MGAT5: variants seen among roughly 807,000 people sequenced by gnomAD.
The protein encoded by MGAT5 is alpha-1,6-mannosylglycoprotein 6-beta-N-acetylglucosaminyltransferase A.
MGAT5 carries 30 observed loss-of-function variants against 94.3 expected under a neutral mutation model. The ratio of observed to expected loss-of-function variants is 0.32; its 90% confidence interval spans 0.24 to 0.43. The LOEUF is 0.43. Among genes scored for constraint, MGAT5 ranks in the 20% least tolerant of loss-of-function variants. The pLI is 1.00. For synonymous variants in MGAT5, 310 were observed against 322.9 expected (o/e 0.96, Z 0.43); for missense variants, 691 against 905.5 (o/e 0.76, Z 3.04).
intron 3 of MGAT5, 65 bp from the exon 4 acceptor site, chr2:134,318,585 C>T: frequency 8.3e-7 from 1 of 1,204,446 alleles, no homozygotes; most frequent in South Asian, 1.2e-5. Flanking sequence ...CTATCCTCGC[C>T]TTCCCTGTCA....
At chr2:134,439,677 A>G (rs2106414894) in intron 14 of MGAT5, among the ~76,000 whole-genome samples, 1 of 152,282 alleles carries the variant, frequency 6.6e-6, no homozygotes, top group East Asian at 1.9e-4. Context: ...AGCCTGGGCG[A>G]CAGAACAAGA....
intron 2 of MGAT5, among the ~76,000 whole-genome samples, chr2:134,298,549 TAGA>T (rs1478072077): frequency 6.6e-6 from 1 of 152,232 alleles, no homozygotes; most frequent in East Asian, 1.9e-4. Flanking sequence ...TTAGGGCAGT[TAGA>T]CACCATGCGG....
chr2:134,252,435 T>G (rs1184052760), upstream of MGAT5, among the ~76,000 whole-genome samples: 1 of 152,162 alleles, frequency 6.6e-6, no homozygotes. Flanking sequence ...GGGTGTTGAA[T>G]AGTGATGGAA....
chr2:134,265,060 T>A (rs1683623847), intron 1 of MGAT5, among the ~76,000 whole-genome samples: 1 of 152,234 alleles, frequency 6.6e-6, no homozygotes, highest in South Asian at 2.1e-4. Context: ...GTGTTGAAGA[T>A]GCAACCTGGT....
intron 4 of MGAT5, among the ~76,000 whole-genome samples, chr2:134,325,136 T>C (rs1687567312): frequency 6.6e-6 from 1 of 152,092 alleles, no homozygotes; most frequent in Admixed American, 6.6e-5. Flanking sequence ...ATGAATGTTA[T>C]ATACCACAAC....
chr2:134,190,648 C>T (rs112677113), intron 1 of MGAT5, among the ~76,000 whole-genome samples: 2,905 of 151,752 alleles, frequency 0.019, 29 homozygotes, highest in African/African-American at 0.022. Flanking sequence ...AATCTCCTCT[C>T]CTTTGTTTTT....
At chr2:134,254,697 G>A in intron 1 of MGAT5, 53 bp downstream of exon 1, 2 of 1,597,652 alleles carry the variant, frequency 1.3e-6, no homozygotes, top group Non-Finnish European at 1.7e-6. Context: ...GCCTTGAAAT[G>A]GCCCTAGAAG....
At chr2:134,429,330 C>T (rs1158624421) in intron 14 of MGAT5, among the ~76,000 whole-genome samples, 1 of 152,232 alleles carries the variant, frequency 6.6e-6, no homozygotes, top group Admixed American at 6.5e-5. Context: ...GCCCTGGGTG[C>T]TGCTGTTGGA....
chr2:134,319,240 C>G (rs1028704491), intron 4 of MGAT5, among the ~76,000 whole-genome samples: 10 of 152,148 alleles, frequency 6.6e-5, no homozygotes, highest in African/African-American at 2.4e-4. Context: ...AATTGCCATA[C>G]CATTTTGTAA....
chr2:134,242,916 G>C (rs1009063429), intron 1 of MGAT5, among the ~76,000 whole-genome samples: 1 of 151,972 alleles, frequency 6.6e-6, no homozygotes. Flanking sequence ...ACTAGCTATT[G>C]AAAGTCTGGC....
chr2:134,274,308 GTTC>G (rs556877420), intron 2 of MGAT5, among the ~76,000 whole-genome samples: 21 of 152,306 alleles, frequency 1.4e-4, no homozygotes, highest in Admixed American at 9.8e-4. Context: ...TCTTCTTATA[GTTC>G]TTCTTCTCAA....
Position 134,137,447 on chromosome 2 carries a change from T to A in MGAT5, c.-143+17156T>A, listed in dbSNP as rs146172840. ...CTTTTCTGTTTCTGGAAACTTCTCT[T>A]GATAGGAAATGACTCTGTCCACAGA... On this transcript the variant is annotated intron_variant, in intron 1 of 16. Transcript: ENST00000409645. 1.7e-3 allele frequency among the ~76,000 whole-genome samples: 266 copies of A among 152,302 alleles called. 3 individuals are homozygous for A. Among genetic ancestry groups the A allele is most frequent in the African/African-American group, 6.1e-3 (253 of 41,554 alleles).
chr2:134,212,661 A>C (rs1452158205), intron 1 of MGAT5, among the ~76,000 whole-genome samples: 2 of 152,208 alleles, frequency 1.3e-5, no homozygotes, highest in African/African-American at 4.8e-5. Flanking sequence ...GTTAAATCAG[A>C]GCTCTCTGGA....
intron 1 of MGAT5, among the ~76,000 whole-genome samples, chr2:134,184,508 C>T (rs149141203): frequency 6.6e-6 from 1 of 152,282 alleles, no homozygotes; most frequent in East Asian, 1.9e-4. Flanking sequence ...AGAACTGATT[C>T]CTTTTTAGAG....
At chr2:134,399,123 CT>C (rs370609781) in intron 10 of MGAT5, among the ~76,000 whole-genome samples, 1 of 152,164 alleles carries the variant, frequency 6.6e-6, no homozygotes, top group South Asian at 2.1e-4. Flanking sequence ...CCTAAATACC[CT>C]GATTTGATCA....
intron 1 of MGAT5, among the ~76,000 whole-genome samples, chr2:134,202,075 A>C (rs1392299455): frequency 6.7e-6 from 1 of 150,348 alleles, no homozygotes; most frequent in African/African-American, 2.5e-5. Flanking sequence ...TGGACTTATC[A>C]GTAACTCATA....
At chr2:134,251,775 A>C (rs56807763), upstream of MGAT5, among the ~76,000 whole-genome samples, 5,464 of 152,222 alleles carry the variant, frequency 0.036, 174 homozygotes, top group East Asian at 0.11. Context: ...GAACACTTAA[A>C]ATTGTCTCTT....
chr2:134,269,644 G>A (rs1683909012), intron 1 of MGAT5, among the ~76,000 whole-genome samples: 1 of 152,290 alleles, frequency 6.6e-6, no homozygotes, highest in South Asian at 2.1e-4. Flanking sequence ...GGTGAAGAAG[G>A]AGTTCCTGTA....
At chr2:134,131,599 T>C (rs79137313) in intron 1 of MGAT5, among the ~76,000 whole-genome samples, 1 of 120,538 alleles carries the variant, frequency 8.3e-6, no homozygotes. Context: ...TTTTTTTTTT[T>C]TTACTATTGG....
Sources: allele counts gnomAD v4.1 joint callset (sites outside exome capture counted in the v4.1 genomes callset), GRCh38; gene constraint gnomAD v4.1.1; transcripts MANE v1.5; gene names NCBI Gene and HGNC (gene_info 2026-07-23, HGNC 2026-07-21).